MOGAT2: variants seen among roughly 807,000 people sequenced by gnomAD.
MOGAT2 encodes monoacylglycerol O-acyltransferase 2, also known as 2-acylglycerol O-acyltransferase 2.
MOGAT2 carries 27 observed loss-of-function variants against 31.5 expected under a neutral mutation model. The observed-to-expected ratio is 0.86, with a 90% confidence interval of 0.63 to 1.18. MOGAT2 has a LOEUF of 1.18. MOGAT2 is among the 50% of genes most tolerant of loss of function. MOGAT2 has a pLI of 0.00. For synonymous variants in MOGAT2, 163 were observed against 170.0 expected, an observed-to-expected ratio of 0.96 and a Z score of 0.32; for missense variants, 436 against 433.2, an observed-to-expected ratio of 1.01 and a Z score of -0.06.
chr11:75,727,528 T>G lies in MOGAT2; in HGVS notation c.364T>G (p.Cys122Gly). The change falls in exon 3 of 6, where the codon TGC (cysteine) becomes GGC (glycine). Residue 122 changes from cysteine to glycine, a missense_variant. By Grantham distance (159) the Cys-to-Gly change is radical (BLOSUM62 -3). Transcript: ENST00000198801. ...GGCAGTCGGAGCCTTTGCCAACCTG[T>G]GCACTGAGAGCACAGGCTTCTCTTC... ...VLAVGAFANL[C>G]TESTGFSSIF... is the part of the protein sequence containing the mutation. The G allele has an allele frequency of 1.2e-6, 2 of 1,614,180 alleles. No homozygotes were observed.
In MOGAT2 at chr11:75,732,519, C is replaced by G. The variant is rs1014858939; in HGVS notation, c.*1233C>G. 4 of 152,376 alleles carry G rather than the reference C, an allele frequency of 2.6e-5. No individual in the cohort carries two copies. The highest frequency in any genetic ancestry group is 4.4e-5 in the Non-Finnish European group (3 of 68,180). The allele number at this position is 152,376 out of a possible 1,614,324, so 9.4% of individuals were successfully genotyped here. A position where few individuals can be genotyped will look rare whatever the true frequency, so the allele number is the denominator to read the frequency against. On this transcript the variant is annotated 3_prime_UTR_variant, in exon 6 of 6. Coordinates refer to ENST00000198801, the MANE Select transcript of MOGAT2 (RefSeq NM_025098.4). The stretch of plus-strand genomic sequence containing the variant: ...GCTTCTCAGCCTGCCGTTTGCCACT[C>G]TCCAGCATCTGGCCCAGCCTGTCCA...
Position 75,720,021 on chromosome 11 carries a change from C to T in MOGAT2, c.121C>T (p.Leu41Phe). Residue 41 changes from leucine (L) to phenylalanine (F), a missense_variant, in exon 2 of 6, where the codon CTC (leucine) becomes TTC (phenylalanine). Leu to Phe is a conservative substitution (Grantham distance 22). Coordinates refer to ENST00000198801, the MANE Select transcript of MOGAT2 (RefSeq NM_025098.4). ...AEICTVGFIA[L>F]LFTRFWLLTV... is the part of the protein sequence containing the mutation. ...GATCTGCACTGTGGGCTTCATAGCC[C>T]TCCTGTTTACAAGATTCTGGCTCCT... is the stretch of plus-strand genomic sequence containing the variant. 1.2e-6 allele frequency: 2 copies of T among 1,614,134 alleles called. No individual in the cohort carries two copies. The highest frequency in any genetic ancestry group is 1.7e-6 in the Non-Finnish European group (2 of 1,180,040).
chr11:75,728,680 C>G, intron 4 of MOGAT2, 110 bp from the exon 5 acceptor site: 2 of 929,562 alleles, frequency 2.2e-6, no homozygotes, highest in South Asian at 2.9e-5. Flanking sequence ...AGGTGGCTGA[C>G]CTCTGCTCCA....
In MOGAT2 at chr11:75,732,335, T is replaced by C. The variant is rs1944489656; in HGVS notation, c.*1049T>C. On this transcript the variant is annotated 3_prime_UTR_variant, in exon 6 of 6. Coordinates refer to ENST00000198801, the MANE Select transcript of MOGAT2 (RefSeq NM_025098.4). ...TTCCTCCATTCAGTCTGCTGCCAAG[T>C]TCCCCACTGCCTGAGCCCAACTAGA... 1.3e-5 allele frequency: 2 copies of C among 152,402 alleles called. No homozygotes were observed. The highest frequency in any genetic ancestry group is 4.1e-4 in the South Asian group (2 of 4,822). The allele number at this position is 152,402 out of a possible 1,614,324, so 9.4% of individuals were successfully genotyped here.
intron 2 of MOGAT2, among the ~76,000 whole-genome samples, chr11:75,723,948 C>CA (rs1944398078): frequency 6.6e-6 from 1 of 152,096 alleles, no homozygotes; most frequent in Non-Finnish European, 1.5e-5. Flanking sequence ...GGAGACAGAC[C>CA]ACAGCACTTC....
chr11:75,724,172 G>C (rs973989427), intron 2 of MOGAT2, among the ~76,000 whole-genome samples: 1 of 152,188 alleles, frequency 6.6e-6, no homozygotes, highest in African/African-American at 2.4e-5. Flanking sequence ...GCCAGGATAG[G>C]ATTGGGGTCA....
At chr11:75,729,526 T>C (rs12283299) in intron 5 of MOGAT2, among the ~76,000 whole-genome samples, 9,062 of 152,058 alleles carry the variant, frequency 0.06, 850 homozygotes, top group African/African-American at 0.2. Context: ...CTGCCTGCCT[T>C]GGCCTCCCAA....
intron 3 of MOGAT2, 118 bp from the exon 4 acceptor site, chr11:75,727,852 G>A: frequency 1.7e-6 from 2 of 1,166,536 alleles, no homozygotes; most frequent in Non-Finnish European, 2.4e-6. Context: ...ATGGGGTGCA[G>A]TGGGGGAAAA....
chr11:75,719,964 C>G (rs770886679), intron 1 of MOGAT2, 28 bp from the exon 2 acceptor site: 1 of 1,608,256 alleles, frequency 6.2e-7, no homozygotes, highest in East Asian at 2.2e-5. Context: ...AGACCCCTGT[C>G]CCTGACAGCT....
chr11:75,723,760 A>T (rs1944397029), intron 2 of MOGAT2, among the ~76,000 whole-genome samples: 1 of 152,146 alleles, frequency 6.6e-6, no homozygotes, highest in Admixed American at 6.5e-5. Context: ...TGCATAAATT[A>T]TATCAACTAA....
At position 75,727,578 on chromosome 11, in the gene MOGAT2, T is replaced by C. The variant is rs752623085; in HGVS notation, c.414T>C (p.His138=). The C allele has an allele frequency of 1.5e-5, 25 of 1,614,056 alleles. No homozygotes were observed. The highest frequency in any genetic ancestry group is 2.0e-5 in the Non-Finnish European group (24 of 1,180,030). ...CGATCTTCCCCGGTATCCGCCCCCA[T>C]CTGATGATGCTGACCTTGTGGTTCC... ...FSSIFPGIRP[H]LMMLTLWFRA... The change falls in exon 3 of 6, where the codon CAT becomes CAC. Residue 138 remains histidine, a synonymous_variant. Transcript: ENST00000198801.
rs1944342614 is a variant in MOGAT2 at position 75,717,874 on chromosome 11, G to A, written c.-15G>A. On this transcript the variant is annotated 5_prime_UTR_variant, in exon 1 of 6. Coordinates refer to ENST00000198801, the MANE Select transcript of MOGAT2 (RefSeq NM_025098.4). ...GAGCTCACAGAACCTGCGGGAGCCAGGCTGACCCGCCAGCATGGTAGAGTT... is the reference window on the plus strand; with the variant it reads ...GAGCTCACAGAACCTGCGGGAGCCAAGCTGACCCGCCAGCATGGTAGAGTT... 1.2e-6 allele frequency: 2 copies of A among 1,613,122 alleles called. No individual in the cohort carries two copies. Among genetic ancestry groups the A allele is most frequent in the African/African-American group, 2.7e-5 (2 of 74,924 alleles).
chr11:75,730,934 A>G, intron 5 of MOGAT2, 198 bp from the exon 6 acceptor site: 1 of 402,660 alleles, frequency 2.5e-6, no homozygotes, highest in Non-Finnish European at 4.3e-6. Context: ...AAAAAAGAAA[A>G]GAAAAGAAAA....
At chr11:75,721,346 G>A (rs1163067616) in intron 2 of MOGAT2, among the ~76,000 whole-genome samples, 2 of 151,834 alleles carry the variant, frequency 1.3e-5, no homozygotes, top group African/African-American at 2.4e-5. Context: ...GCAATGGCAC[G>A]ATCTCAGCTC....
chr11:75,722,463 T>C (rs1215570306), intron 2 of MOGAT2, among the ~76,000 whole-genome samples: 3 of 152,126 alleles, frequency 2.0e-5, no homozygotes, highest in Non-Finnish European at 4.4e-5. Flanking sequence ...CACTTCCCAC[T>C]CTTGAGCTGA....
At position 75,720,148 on chromosome 11, in the gene MOGAT2, T is replaced by A. The variant is rs778398967; in HGVS notation, c.248T>A (p.Met83Lys). 6.8e-6 allele frequency: 11 copies of A among 1,613,402 alleles called. No individual in the cohort carries two copies. Among genetic ancestry groups the A allele is most frequent in the Non-Finnish European group, 8.5e-6 (10 of 1,179,700 alleles). The change falls in exon 2 of 6, where the codon ATG (methionine) becomes AAG (lysine). Residue 83 changes from methionine (M) to lysine (K), a missense_variant. Coordinates refer to ENST00000198801, the MANE Select transcript of MOGAT2 (RefSeq NM_025098.4). Reference protein sequence around the residue: ...AIRCWTIWKYMKDYFPISLVK... With the variant: ...AIRCWTIWKYKKDYFPISLVK... ...AGGTGCTGGACTATATGGAAGTACA[T>A]GAAGGACTATTTCCCCATCTCGGTG...
chr11:75,718,869 C>T (rs117373752), intron 1 of MOGAT2, among the ~76,000 whole-genome samples: 2 of 152,298 alleles, frequency 1.3e-5, no homozygotes, highest in East Asian at 3.9e-4. Flanking sequence ...GGAACTGCTG[C>T]TTCCAGGGCT....
intron 2 of MOGAT2, among the ~76,000 whole-genome samples, chr11:75,725,540 T>G (rs1293115114): frequency 8.6e-6 from 1 of 116,510 alleles, no homozygotes; most frequent in Non-Finnish European, 1.7e-5. Context: ...AGAGTGAGAC[T>G]CTGTCTCATA....
chr11:75,723,362 G>A (rs1034936571), intron 2 of MOGAT2, among the ~76,000 whole-genome samples: 6 of 152,136 alleles, frequency 3.9e-5, no homozygotes, highest in Non-Finnish European at 7.4e-5. Flanking sequence ...AGCAGAGGGC[G>A]AGATGATGTT....
Sources: allele counts gnomAD v4.1 joint callset (sites outside exome capture counted in the v4.1 genomes callset), GRCh38; gene constraint gnomAD v4.1.1; transcripts MANE v1.5; gene names NCBI Gene and HGNC (gene_info 2026-07-23, HGNC 2026-07-21).